The following RGS8 variants were observed in gnomAD, a reference collection of about 807,000 sequenced individuals.
RGS8 encodes the protein regulator of G-protein signaling 8.
In RGS8, 8 loss-of-function variants were observed where a neutral mutation model predicts 21.7. That is an observed-to-expected ratio of 0.37 (90% confidence interval 0.22 to 0.66). The LOEUF is 0.66. Ranked by LOEUF, RGS8 falls within the 30% of genes least tolerant of loss-of-function variation. The pLI is 0.59. For missense variants in RGS8, 157 were observed against 217.9 expected (o/e 0.72, Z 1.76); for synonymous variants, 80 against 83.6 (o/e 0.96, Z 0.24).
intron 1 of RGS8, among the ~76,000 whole-genome samples, chr1:182,678,992 C>T (rs912688839): frequency 2.0e-5 from 3 of 152,212 alleles, no homozygotes; most frequent in African/African-American, 7.2e-5. Flanking sequence ...CCCTGACCTC[C>T]TTCCAGCTGC....
chr1:182,683,020 T>C (rs917766841), intron 1 of RGS8, among the ~76,000 whole-genome samples: 1 of 152,190 alleles, frequency 6.6e-6, no homozygotes, highest in African/African-American at 2.4e-5. Context: ...CTTTTTGTGT[T>C]AGACACTATG....
At chr1:182,701,836 G>C in the RGS8 span, among the ~76,000 whole-genome samples, 1 of 152,142 alleles carries the variant, frequency 6.6e-6, no homozygotes, top group Non-Finnish European at 1.5e-5. Flanking sequence ...ATGAAAAAAT[G>C]CTCCCCATCA....
chr1:182,665,793 TA>T (rs957475659), intron 5 of RGS8, among the ~76,000 whole-genome samples, 175 bp downstream of exon 6: 1 of 152,226 alleles, frequency 6.6e-6, no homozygotes, highest in Non-Finnish European at 1.5e-5. Flanking sequence ...TCACTGCATT[TA>T]AATCATTCAT....
At chr1:182,747,236 T>C in the RGS8 span, among the ~76,000 whole-genome samples, 1 of 151,692 alleles carries the variant, frequency 6.6e-6, no homozygotes, top group East Asian at 1.9e-4. Flanking sequence ...TAATTTCAGC[T>C]AAGGTTATTA....
chr1:182,718,779 C>T, the RGS8 span, among the ~76,000 whole-genome samples: 1 of 152,162 alleles, frequency 6.6e-6, no homozygotes, highest in African/African-American at 2.4e-5. Context: ...TGTGATATGG[C>T]GTGCTTTACC....
the RGS8 span, among the ~76,000 whole-genome samples, chr1:182,731,569 A>T: frequency 6.6e-6 from 1 of 152,186 alleles, no homozygotes; most frequent in South Asian, 2.1e-4. Flanking sequence ...CTTTTTTCTC[A>T]AAAGCCCATC....
chr1:182,741,305 G>T, the RGS8 span, among the ~76,000 whole-genome samples: 1 of 9,336 alleles, frequency 1.1e-4, no homozygotes, highest in Non-Finnish European at 3.0e-4. Context: ...CTGGCCGGGT[G>T]GGGGGCTGAC....
At chr1:182,740,680 T>C in the RGS8 span, among the ~76,000 whole-genome samples, 5 of 148,888 alleles carry the variant, frequency 3.4e-5, no homozygotes, top group East Asian at 5.9e-4. Context: ...TCTCTGGTTT[T>C]CCTAGGCAGA....
At chr1:182,740,185 C>T in the RGS8 span, among the ~76,000 whole-genome samples, 2 of 152,186 alleles carry the variant, frequency 1.3e-5, no homozygotes, top group African/African-American at 4.8e-5. Context: ...TACTTGACCA[C>T]CCAACTGGCC....
At chr1:182,742,400 G>T in the RGS8 span, among the ~76,000 whole-genome samples, 36 of 152,114 alleles carry the variant, frequency 2.4e-4, no homozygotes, top group Non-Finnish European at 4.4e-4. Flanking sequence ...CTGGGAGGTG[G>T]AGGTTGTAGC....
the RGS8 span, among the ~76,000 whole-genome samples, chr1:182,747,929 T>C: frequency 3.3e-5 from 5 of 152,158 alleles, no homozygotes; most frequent in African/African-American, 9.7e-5. Context: ...GTTTCTTACA[T>C]CTTTTCCTGG....
chr1:182,695,373 A>G, the RGS8 span, among the ~76,000 whole-genome samples: 14 of 152,302 alleles, frequency 9.2e-5, no homozygotes, highest in East Asian at 2.7e-3. Flanking sequence ...ACTTTGAAGA[A>G]AAACAAACCT....
chr1:182,645,483 C>T (rs1203933353), downstream of RGS8: 1 of 152,156 alleles, frequency 6.6e-6, no homozygotes, highest in East Asian at 1.9e-4. Context: ...GGAAGAATTG[C>T]CTGACACATT....
exon 4 of RGS8, chr1:182,666,908 G>A: frequency 6.2e-7 from 1 of 1,614,176 alleles, no homozygotes; most frequent in Non-Finnish European, 8.5e-7. Flanking sequence ...AAGAATAGCT[G>A]TGAAATCACT....
the RGS8 span, among the ~76,000 whole-genome samples, chr1:182,716,216 C>T: frequency 1.3e-5 from 2 of 151,442 alleles, no homozygotes; most frequent in East Asian, 3.9e-4. Flanking sequence ...ACTTCCACCT[C>T]CCGGGTTCAA....
At chr1:182,719,452 T>C in the RGS8 span, among the ~76,000 whole-genome samples, 41 of 140,094 alleles carry the variant, frequency 2.9e-4, no homozygotes, top group Admixed American at 2.2e-4. Context: ...ATTTTTCTTT[T>C]TCTTTCTTCT....
chr1:182,644,651 C>G (rs1662625300), downstream of RGS8: 1 of 152,250 alleles, frequency 6.6e-6, no homozygotes, highest in African/African-American at 2.4e-5. Context: ...CAGAATGTTT[C>G]ACATTTCTAT....
chr1:182,644,576 A>G (rs1353893739), downstream of RGS8: 1 of 152,156 alleles, frequency 6.6e-6, no homozygotes, highest in African/African-American at 2.4e-5. Flanking sequence ...CTATGAGGCC[A>G]TCGCACGACA....
chr1:182,666,034 C>T lies in RGS8; in HGVS notation c.129-1G>A. 6.2e-7 allele frequency: 1 copy of T among 1,613,138 alleles called. No individual in the cohort carries two copies. The highest frequency in any genetic ancestry group is 8.5e-7 in the Non-Finnish European group (1 of 1,179,270). On this transcript the variant is annotated splice_acceptor_variant, in intron 4 of 6. Transcript: ENST00000483095. LOFTEE classifies it high-confidence loss of function. ...CGTAGCTTCTTCTGTCGATAATCTCCTAGAAAAAAAGAAACATCTGTCTTG... is the reference window on the plus strand; with the variant it reads ...CGTAGCTTCTTCTGTCGATAATCTCTTAGAAAAAAAGAAACATCTGTCTTG...
Sources: allele counts gnomAD v4.1 joint callset (sites outside exome capture counted in the v4.1 genomes callset), GRCh38; gene constraint gnomAD v4.1.1; transcripts MANE v1.5; gene names NCBI Gene and HGNC (gene_info 2026-07-23, HGNC 2026-07-21).